The following SCUBE1 variants were observed in gnomAD, a reference collection of about 807,000 sequenced individuals.
The protein encoded by SCUBE1 is signal peptide, CUB domain and EGF like domain containing 1.
In SCUBE1, 59 loss-of-function variants were observed where a neutral mutation model predicts 124.4. That is an observed-to-expected ratio of 0.47 (90% CI 0.38 to 0.59). The LOEUF is 0.59. SCUBE1 is among the 20% of genes least tolerant of loss of function. The pLI is 0.00. For missense variants in SCUBE1, 1,150 were observed against 1,371.2 expected (o/e 0.84, Z 2.55); for synonymous variants, 545 against 550.9 (o/e 0.99, Z 0.15).
At chr22:43,243,695 G>A (rs973099742) in intron 6 of SCUBE1, among the ~76,000 whole-genome samples, 1 of 152,232 alleles carries the variant, frequency 6.6e-6, no homozygotes, top group Non-Finnish European at 1.5e-5. Context: ...GGTTCCACAT[G>A]CCGGCTGTGT....
In SCUBE1 at chr22:43,273,561, C is replaced by CTTTTTTTTTTTTTTTTTTT. The variant is rs1056252584; in HGVS notation, c.485-10735_485-10717dup. Among the ~76,000 whole-genome samples, 6 of 60,950 alleles carry CTTTTTTTTTTTTTTTTTTT rather than the reference C, an allele frequency of 9.8e-5. 2 individuals carry two copies. The highest frequency in any genetic ancestry group is 4.2e-4 in the East Asian group (1 of 2,398). The allele number at this position is 60,950 out of a possible 152,430, so 40.0% of individuals were successfully genotyped here. ...TATAAAGTGGGGAGACTAAAACCCT[C>CTTTTTTTTTTTTTTTTTTT]TTTTTTTTTTTTTTTTTTTTTTTTG... On this transcript the variant is annotated intron_variant, in intron 4 of 21. Coordinates refer to ENST00000360835, the MANE Select transcript of SCUBE1 (RefSeq NM_173050.5).
chr22:43,262,009 C>G (rs1256765172), intron 5 of SCUBE1, among the ~76,000 whole-genome samples: 1 of 152,018 alleles, frequency 6.6e-6, no homozygotes, highest in Middle Eastern at 3.2e-3. Flanking sequence ...TGGGGTGACC[C>G]CATTAAGAGG....
At chr22:43,332,517 T>C (rs1016518663) in intron 2 of SCUBE1, among the ~76,000 whole-genome samples, 1 of 152,068 alleles carries the variant, frequency 6.6e-6, no homozygotes, top group Admixed American at 6.6e-5. Flanking sequence ...TGCTTTCCCA[T>C]GGGCTGATGG....
rs553697543 is a variant in SCUBE1, at chr22:43,234,070, C to T, written c.845-2195G>A. Among the ~76,000 whole-genome samples, 3 of 152,144 alleles carry T rather than the reference C, an allele frequency of 2.0e-5. No individual in the cohort carries two copies. The South Asian group carries it at 6.3e-4, about 32-fold the overall frequency. On this transcript the variant is annotated intron_variant, in intron 7 of 21. Coordinates refer to ENST00000360835, the MANE Select transcript of SCUBE1 (RefSeq NM_173050.5). The surrounding 1 kb of genome is among the most constrained non-coding windows in gnomAD (Gnocchi z 4.4). ...GCCTGCTGCAGCACATCACGCTGGC[C>T]CTGCAGCCACCAAGAAAGAGATATG...
chr22:43,258,472 G>A lies in SCUBE1; in HGVS notation c.611-137C>T, dbSNP rs1923750828. On this transcript the variant is annotated intron_variant, in intron 5 of 21. Transcript: ENST00000360835. This position sits in a 1 kb window ranked among gnomAD's most constrained non-coding sequence, Gnocchi z 5.0. ...ATCAGTGGGTAGGGTCATGAGGCTC[G>A]CCGGGCAACGGGGGAGCATTTCCCT... 1.7e-5 allele frequency: 12 copies of A among 688,362 alleles called. No homozygotes were observed. Among genetic ancestry groups the A allele is most frequent in the East Asian group, 2.5e-5 (1 of 39,528 alleles). The allele number at this position is 688,362 out of a possible 1,614,324, so 42.6% of individuals were successfully genotyped here.
chr22:43,207,524 ACT>A lies in SCUBE1; in HGVS notation c.2814+8_2814+9del. 6.2e-7 allele frequency: 1 copy of A among 1,607,328 alleles called. No individual in the cohort carries two copies. On this transcript the variant is annotated splice_region_variant and intron_variant, in intron 21 of 21. Coordinates refer to ENST00000360835, the MANE Select transcript of SCUBE1 (RefSeq NM_173050.5). ...GGTTACGTGGATTCCCTTCCAATAA[ACT>A]CACTCACTTTCAAAATTTCCTGGTG... is the stretch of plus-strand genomic sequence containing the variant.
At chr22:43,267,458 G>A (rs918120215) in intron 4 of SCUBE1, among the ~76,000 whole-genome samples, 19 of 152,208 alleles carry the variant, frequency 1.2e-4, no homozygotes, top group African/African-American at 2.9e-4. Context: ...CCCTAGCTGC[G>A]TGTGCTAGAA....
intron 2 of SCUBE1, among the ~76,000 whole-genome samples, chr22:43,335,820 GTGATGATGATGGTGA>G (rs1376805095): frequency 6.3e-5 from 7 of 111,944 alleles, no homozygotes; most frequent in East Asian, 4.7e-4. Context: ...GATGATGATG[GTGATGATGATGGTGA>G]TGATGATAAT....
At position 43,339,252 on chromosome 22, in the gene SCUBE1, G is replaced by A. The variant is rs773753845; in HGVS notation, c.89-17C>T. ...CGACTGACCCTGTGGGTAGGGGTGT[G>A]GGGGGAATAAGAGGTAAGGTGTGGC... On this transcript the variant is annotated splice_polypyrimidine_tract_variant and intron_variant, in intron 1 of 21. Transcript: ENST00000360835. 2 of 1,610,894 alleles carry A rather than the reference G, an allele frequency of 1.2e-6. No individual in the cohort carries two copies. The highest frequency in any genetic ancestry group is 8.5e-7 in the Non-Finnish European group (1 of 1,177,932).
intron 7 of SCUBE1, among the ~76,000 whole-genome samples, chr22:43,233,944 T>G (rs923383336): frequency 1.3e-5 from 2 of 151,770 alleles, no homozygotes; most frequent in African/African-American, 4.8e-5. Context: ...TCGTGTGACC[T>G]TCAAAACAAC....
At chr22:43,287,949 C>T (rs910607143) in intron 4 of SCUBE1, among the ~76,000 whole-genome samples, 6 of 152,192 alleles carry the variant, frequency 3.9e-5, no homozygotes, top group Non-Finnish European at 5.9e-5. Context: ...ATTAATGGGC[C>T]GCTGACCACT....
chr22:43,305,434 C>T (rs185762143), intron 3 of SCUBE1, among the ~76,000 whole-genome samples: 2 of 152,194 alleles, frequency 1.3e-5, no homozygotes, highest in Admixed American at 6.5e-5. Context: ...GGGAGCAGGT[C>T]CCTCTGCCCG....
At chr22:43,341,651 G>A (rs1333598792) in intron 1 of SCUBE1, among the ~76,000 whole-genome samples, 1 of 152,178 alleles carries the variant, frequency 6.6e-6, no homozygotes, top group Admixed American at 6.5e-5. Context: ...GAGAGGACAT[G>A]GGAGTTTGAG....
At chr22:43,328,063 C>A (rs1194754990) in intron 2 of SCUBE1, among the ~76,000 whole-genome samples, 2 of 152,194 alleles carry the variant, frequency 1.3e-5, no homozygotes, top group African/African-American at 2.4e-5. Context: ...TCAAATGCCA[C>A]CTGCCCAGCT....
At chr22:43,246,306 G>A (rs890030956) in intron 6 of SCUBE1, among the ~76,000 whole-genome samples, 2 of 152,152 alleles carry the variant, frequency 1.3e-5, no homozygotes, top group African/African-American at 4.8e-5. Context: ...CCCACAGGAG[G>A]CATCATGGCC....
chr22:43,321,404 C>G (rs1185789850), intron 2 of SCUBE1, among the ~76,000 whole-genome samples: 1 of 152,196 alleles, frequency 6.6e-6, no homozygotes, highest in Non-Finnish European at 1.5e-5. Context: ...AATGAACGTT[C>G]AGGGGTAGGA....
At chr22:43,218,886 C>T (rs1921958408) in intron 14 of SCUBE1, among the ~76,000 whole-genome samples, 1 of 152,230 alleles carries the variant, frequency 6.6e-6, no homozygotes, top group Non-Finnish European at 1.5e-5. Context: ...CTCTGACACT[C>T]CCTGTGGATT....
At chr22:43,263,238 C>A (rs534540541) in intron 4 of SCUBE1, among the ~76,000 whole-genome samples, 6 of 152,338 alleles carry the variant, frequency 3.9e-5, no homozygotes, top group African/African-American at 9.6e-5. Flanking sequence ...GGGTACCCCC[C>A]ACCCGCCCAG....
At chr22:43,305,154 C>T (rs374219310) in intron 3 of SCUBE1, among the ~76,000 whole-genome samples, 4 of 152,142 alleles carry the variant, frequency 2.6e-5, no homozygotes, top group Non-Finnish European at 4.4e-5. Context: ...GGAGGAGAAG[C>T]GGCACATAAA....
Sources: gnomAD v4.1 joint callset for allele counts (sites outside exome capture counted in the v4.1 genomes callset) on GRCh38, gnomAD v4.1.1 for gene constraint, Gnocchi (gnomAD v3.1) non-coding constraint, MANE v1.5 for transcripts, NCBI Gene and HGNC (gene_info 2026-07-23, HGNC 2026-07-21) for gene names.